The following KDM4C variants were observed in gnomAD, a reference collection of about 807,000 sequenced individuals.
KDM4C encodes the protein lysine-specific demethylase 4C.
Under a neutral mutation model 129.3 loss-of-function variants are expected in KDM4C, and 81 were observed. The observed-to-expected ratio is 0.63, with a 90% confidence interval of 0.52 to 0.75. The LOEUF (loss-of-function observed/expected upper bound fraction) is 0.75. KDM4C is among the 30% of genes least tolerant of loss of function. The probability of loss-of-function intolerance (pLI) is 0.00; values close to 1 mark genes in which losing one functional copy is unlikely to be tolerated. For missense variants in KDM4C, 1,457 were observed against 1,304.0 expected (o/e 1.12, Z -1.81); for synonymous variants, 573 against 456.1 (o/e 1.26, Z -3.26).
chr9:7,034,979 T>G (rs1189251149), intron 15 of KDM4C, among the ~76,000 whole-genome samples: 2 of 152,182 alleles, frequency 1.3e-5, no homozygotes, highest in Non-Finnish European at 2.9e-5. Flanking sequence ...TTGTGAAATG[T>G]ATGTTCAGAT....
At chr9:7,160,134 C>A (rs1429520714) in intron 19 of KDM4C, among the ~76,000 whole-genome samples, 3 of 152,162 alleles carry the variant, frequency 2.0e-5, no homozygotes, top group Non-Finnish European at 4.4e-5. Flanking sequence ...GCTGTTGAAG[C>A]TTGTGCGTGC....
intron 8 of KDM4C, among the ~76,000 whole-genome samples, chr9:6,931,320 T>C (rs879125293): frequency 6.6e-6 from 1 of 152,154 alleles, no homozygotes; most frequent in Non-Finnish European, 1.5e-5. Flanking sequence ...TGATACACAA[T>C]AAATAAACTT....
rs547512222 is a variant in KDM4C at position 6,856,955 on chromosome 9, C to T, written c.629+7255C>T. On this transcript the variant is annotated intron_variant, in intron 5 of 21. Coordinates refer to ENST00000381309, the MANE Select transcript of KDM4C (RefSeq NM_015061.6). ...TGTATTTTTAGTAGAGACGGGGTTT[C>T]ACCGTGTTAGCCAGGATGGTCTCGA... Among the ~76,000 whole-genome samples the T allele has an allele frequency of 2.6e-5, 4 of 152,156 alleles. No individual in the cohort carries two copies. The South Asian group carries it at 8.3e-4, about 32-fold the overall frequency.
At chr9:6,724,554 G>A (rs958754977) in intron 1 of KDM4C, among the ~76,000 whole-genome samples, 4 of 152,084 alleles carry the variant, frequency 2.6e-5, no homozygotes, top group South Asian at 2.1e-4. Flanking sequence ...TTTTTGAGAC[G>A]GATACTTGTT....
intron 16 of KDM4C, 90 bp downstream of exon 16, chr9:7,047,007 T>C: frequency 1.1e-6 from 1 of 910,390 alleles, no homozygotes; most frequent in Non-Finnish European, 1.8e-6. Flanking sequence ...CCTCTCATTG[T>C]ACACGTGGTT....
chr9:6,780,335 C>G (rs1410055523), intron 1 of KDM4C, among the ~76,000 whole-genome samples: 2 of 112,912 alleles, frequency 1.8e-5, no homozygotes, highest in Admixed American at 1.0e-4. Flanking sequence ...TTTTTAATCT[C>G]AAACGAGGTG....
chr9:7,125,075 A>G (rs187505325), intron 18 of KDM4C, among the ~76,000 whole-genome samples: 1 of 152,218 alleles, frequency 6.6e-6, no homozygotes. Flanking sequence ...TTCACAGAAT[A>G]ACATTTAGAT....
intron 21 of KDM4C, among the ~76,000 whole-genome samples, chr9:7,174,007 C>G (rs1051763311): frequency 5.9e-5 from 9 of 152,138 alleles, no homozygotes; most frequent in African/African-American, 2.2e-4. Flanking sequence ...CCTGAGACAT[C>G]AAAAGTGAGC....
chr9:7,139,371 C>G (rs917361960), intron 19 of KDM4C, among the ~76,000 whole-genome samples: 3 of 152,196 alleles, frequency 2.0e-5, no homozygotes, highest in African/African-American at 7.2e-5. Context: ...ATTGAATCAT[C>G]TAAAGCAGCT....
chr9:6,952,083 G>A (rs1828254145), intron 8 of KDM4C, among the ~76,000 whole-genome samples: 1 of 152,048 alleles, frequency 6.6e-6, no homozygotes, highest in Admixed American at 6.5e-5. Context: ...TGATGATACT[G>A]TAAACTGATT....
intron 17 of KDM4C, 141 bp downstream of exon 17, chr9:7,049,341 A>G: frequency 2.1e-6 from 1 of 484,608 alleles, no homozygotes; most frequent in Non-Finnish European, 3.7e-6. Flanking sequence ...CTTTAGCCTA[A>G]ATTTATTTAT....
At chr9:7,087,042 A>G (rs1835201910) in intron 17 of KDM4C, among the ~76,000 whole-genome samples, 1 of 151,856 alleles carries the variant, frequency 6.6e-6, no homozygotes, top group South Asian at 2.1e-4. Flanking sequence ...AAAGGGAATG[A>G]ATCAAGTAGG....
intron 1 of KDM4C, among the ~76,000 whole-genome samples, chr9:6,767,651 G>A (rs1820911964): frequency 6.6e-6 from 1 of 152,050 alleles, no homozygotes; most frequent in Admixed American, 6.6e-5. Context: ...AGTAGAGATG[G>A]GGTTTTGCCA....
At chr9:7,105,642 T>C (rs985200979) in intron 18 of KDM4C, 2 of 351,020 alleles carry the variant, frequency 5.7e-6, no homozygotes, top group African/African-American at 4.3e-5. Flanking sequence ...ATTTGGTGAA[T>C]TCCAAACCCC....
intron 17 of KDM4C, among the ~76,000 whole-genome samples, chr9:7,101,357 CAACA>C (rs1332619062): frequency 6.6e-6 from 1 of 152,086 alleles, no homozygotes; most frequent in Admixed American, 6.5e-5. Context: ...ACCATTTTAG[CAACA>C]AACAAATGAA....
At chr9:6,761,406 C>G (rs1819469994) in intron 1 of KDM4C, among the ~76,000 whole-genome samples, 1 of 150,998 alleles carries the variant, frequency 6.6e-6, no homozygotes, top group African/African-American at 2.4e-5. Flanking sequence ...ACAGTCTCAG[C>G]TCACTGTAAC....
intron 15 of KDM4C, among the ~76,000 whole-genome samples, chr9:7,016,420 C>A (rs1823696142): frequency 7.5e-6 from 1 of 134,108 alleles, no homozygotes; most frequent in African/African-American, 2.7e-5. Flanking sequence ...AGCCACTGTT[C>A]CTGGCTTTTT....
At chr9:6,815,091 A>AT (rs1831843389) in intron 4 of KDM4C, 1 of 159,996 alleles carries the variant, frequency 6.3e-6, no homozygotes. Context: ...CAGAAGCAGT[A>AT]TTTTAGATAT....
chr9:7,047,790 A>C (rs946506493), intron 16 of KDM4C, among the ~76,000 whole-genome samples: 1 of 152,012 alleles, frequency 6.6e-6, no homozygotes, highest in African/African-American at 2.4e-5. Flanking sequence ...CAGTAATAAC[A>C]AGTTGGGATA....
Sources: allele counts gnomAD v4.1 joint callset (sites outside exome capture counted in the v4.1 genomes callset), GRCh38; gene constraint gnomAD v4.1.1; transcripts MANE v1.5; gene names NCBI Gene and HGNC (gene_info 2026-07-23, HGNC 2026-07-21).